Variants in ARHGEF15 observed in about 807,000 individuals in gnomAD.
ARHGEF15 encodes Rho guanine nucleotide exchange factor 15.
Under a neutral mutation model 79.7 loss-of-function variants are expected in ARHGEF15, and 58 were observed. The observed-to-expected ratio is 0.73, with a 90% CI of 0.59 to 0.91. The LOEUF (loss-of-function observed/expected upper bound fraction) is 0.91, where lower values mean the gene tolerates loss of function less well. Ranked by LOEUF, ARHGEF15 falls within the 40% of genes least tolerant of loss-of-function variation. ARHGEF15 has a pLI of 0.00. For missense variants in ARHGEF15, 1,012 were observed against 1,108.1 expected, an observed-to-expected ratio of 0.91 and a Z score of 1.23; for synonymous variants, 442 against 456.0, an observed-to-expected ratio of 0.97 and a Z score of 0.39.
Position 8,314,734 on chromosome 17 carries a change from T to C in ARHGEF15, c.990-172T>C. On this transcript the variant is annotated intron_variant, in intron 4 of 15. Transcript: ENST00000361926. ...TGGGCAACATAACGAGACCTTGCCT[T>C]TCCCCTTCAAAAAAAAAAAAAAAAA... is the stretch of plus-strand genomic sequence containing the variant. The C allele has an allele frequency of 1.1e-5, 7 of 665,502 alleles. No homozygotes were observed. In the South Asian group the frequency reaches 1.5e-4, roughly 15 times the overall value. The allele number at this position is 665,502 out of a possible 1,614,324, so 41.2% of individuals were successfully genotyped here.
At chr17:8,314,838 G>T in intron 4 of ARHGEF15, 68 bp from the exon 5 acceptor site, 2 of 1,591,940 alleles carry the variant, frequency 1.3e-6, no homozygotes, top group East Asian at 2.3e-5. Context: ...TCCAGCATGA[G>T]AACAAGCACC....
chr17:8,310,893 T>TACCCCA (rs1437005306), intron 1 of ARHGEF15: 5 of 151,718 alleles, frequency 3.3e-5, no homozygotes, highest in Non-Finnish European at 7.4e-5. Context: ...GTACCTGGGT[T>TACCCCA]CCTAAGGGTG....
Position 8,319,333 on chromosome 17 carries a change from G to A in ARHGEF15, c.2208G>A (p.Leu736=), listed in dbSNP as rs1905227200. 3 of 1,614,042 alleles carry A rather than the reference G, an allele frequency of 1.9e-6. No individual in the cohort carries two copies. The African/African-American group carries it at 4.0e-5, about 22-fold the overall frequency. ...CCAGATCAGACATGCAGCGCTGGCT[G>A]GGAGCCTTCCCAACCCCAGGCCCCC... ...ASSLSDMQRW[L]GAFPTPGPLP... Residue 736 remains leucine (L), a synonymous_variant, in exon 14 of 16, where the codon CTG becomes CTA. Transcript: ENST00000361926.
At position 8,311,322 on chromosome 17, in the gene ARHGEF15, C is replaced by A. The variant is rs1904595023; in HGVS notation, c.-49-669C>A. ...CCTCCCCAGGCCTCTTGGCAAGACC[C>A]ATGGCTGTGCTGGGCCTCTCTCTGT... On this transcript the variant is annotated intron_variant, in intron 1 of 15. Coordinates refer to ENST00000361926, the MANE Select transcript of ARHGEF15 (RefSeq NM_173728.4). 2.6e-5 allele frequency among the ~76,000 whole-genome samples: 4 copies of A among 152,270 alleles called. No homozygotes were observed. In the South Asian group the frequency reaches 8.3e-4, roughly 32 times the overall value.
Position 8,319,163 on chromosome 17 carries a change from A to G in ARHGEF15, c.2186+4A>G. The stretch of plus-strand genomic sequence containing the variant: ...GACTACTCCAAGCTTCTTCCCTGTG[A>G]GTTGTGTTTCCCTCAGAAAACAACC... On this transcript the variant is annotated splice_donor_region_variant and intron_variant, in intron 13 of 15. Coordinates refer to ENST00000361926, the MANE Select transcript of ARHGEF15 (RefSeq NM_173728.4). 1 of 1,613,200 alleles carries G rather than the reference A, an allele frequency of 6.2e-7. No individual in the cohort carries two copies. Among genetic ancestry groups the G allele is most frequent in the South Asian group, 1.1e-5 (1 of 90,968 alleles).
In ARHGEF15 at chr17:8,319,404, C is replaced by G. The variant is rs745350461; in HGVS notation, c.2269+10C>G. 1 of 1,606,882 alleles carries G rather than the reference C, an allele frequency of 6.2e-7. No homozygotes were observed. Among genetic ancestry groups the G allele is most frequent in the Non-Finnish European group, 8.5e-7 (1 of 1,177,518 alleles). ...ATCTATGAGGACTGTGGTGAGTATCCCCCTAGAGGGGATGAGGGAAGAAAA... is the reference window on the plus strand; with the variant it reads ...ATCTATGAGGACTGTGGTGAGTATCGCCCTAGAGGGGATGAGGGAAGAAAA... On this transcript the variant is annotated intron_variant, in intron 14 of 15. Coordinates refer to ENST00000361926, the MANE Select transcript of ARHGEF15 (RefSeq NM_173728.4).
At position 8,316,186 on chromosome 17, in the gene ARHGEF15, C is replaced by T. The variant is rs775528384; in HGVS notation, c.1704+38C>T. On this transcript the variant is annotated intron_variant, in intron 9 of 15. Coordinates refer to ENST00000361926, the MANE Select transcript of ARHGEF15 (RefSeq NM_173728.4). The stretch of plus-strand genomic sequence containing the variant: ...GCTGCGGCCGTTTCTGCCCCACCAA[C>T]CCCATCGGAGAACTCTCCCGAGGGC... 5 of 1,591,334 alleles carry T rather than the reference C, an allele frequency of 3.1e-6. No homozygotes were observed. In the African/African-American group the frequency reaches 4.0e-5, roughly 13 times the overall value.
chr17:8,318,751 C>T lies in ARHGEF15; in HGVS notation c.1874C>T (p.Ala625Val). The change falls in exon 12 of 16, where the codon GCC becomes GTC. Residue 625 changes from alanine to valine, a missense_variant and splice_region_variant. By Grantham distance (64) the Ala-to-Val change is moderately conservative. Around this residue, in one of 3 missense-constraint regions of ARHGEF15, gnomAD observed 818 missense variants for 882.5 expected, o/e 0.93. Transcript: ENST00000361926. The surrounding 1 kb of genome is among the most constrained non-coding windows in gnomAD (Gnocchi z 5.0). ...TQRLRFHKVK[A>V]LPLVSWSRRL... ...TCCTCTGCCTCCGCTTCCTCGCAGG[C>T]CCTGCCCCTGGTCTCCTGGTCACGG... 6.2e-7 allele frequency: 1 copy of T among 1,612,492 alleles called. No homozygotes were observed. The highest frequency in any genetic ancestry group is 8.5e-7 in the Non-Finnish European group (1 of 1,179,606).
At position 8,318,403 on chromosome 17, in the gene ARHGEF15, C is replaced by G. The variant is rs768707221; in HGVS notation, c.1721C>G (p.Thr574Arg). 9.3e-6 allele frequency: 15 copies of G among 1,613,890 alleles called. No homozygotes were observed. Among genetic ancestry groups the G allele is most frequent in the South Asian group, 3.3e-5 (3 of 91,096 alleles). Reference protein sequence around the residue: ...RMLLQNILRQTEEGSSRQENA... With the variant: ...RMLLQNILRQREEGSSRQENA... ...TGTCCCCAGAATATCCTGCGCCAGACAGAAGAGGGGTCCAGCCGTCAGGAG... is the reference window on the plus strand; with the variant it reads ...TGTCCCCAGAATATCCTGCGCCAGAGAGAAGAGGGGTCCAGCCGTCAGGAG... Residue 574 changes from threonine to arginine, a missense_variant, in exon 10 of 16, where the codon ACA becomes AGA. Physicochemically the swap from Thr to Arg is moderately conservative, Grantham distance 71. Transcript: ENST00000361926. The surrounding 1 kb of genome is among the most constrained non-coding windows in gnomAD (Gnocchi z 5.0).
At chr17:8,316,368 G>A (rs1905032183) in intron 9 of ARHGEF15, among the ~76,000 whole-genome samples, 1 of 152,244 alleles carries the variant, frequency 6.6e-6, no homozygotes, top group East Asian at 1.9e-4. Context: ...TCTAGGTCCA[G>A]GTGCAGGGAA....
intron 1 of ARHGEF15, among the ~76,000 whole-genome samples, chr17:8,311,745 G>A (rs1051447692): frequency 2.0e-5 from 3 of 150,064 alleles, no homozygotes; most frequent in Non-Finnish European, 4.4e-5. Flanking sequence ...CACAGAACTC[G>A]CACACTCACA....
At chr17:8,314,821 T>G in intron 4 of ARHGEF15, 85 bp from the exon 5 acceptor site, 1 of 1,548,128 alleles carries the variant, frequency 6.5e-7, no homozygotes, top group Non-Finnish European at 8.8e-7. Context: ...GCACATGGGT[T>G]GCCCTGTCCA....
intron 4 of ARHGEF15, chr17:8,314,183 C>T (rs1904855536): frequency 6.6e-6 from 1 of 152,300 alleles, no homozygotes; most frequent in African/African-American, 2.4e-5. Context: ...TAACTCCCTT[C>T]CCTCACCTTG....
In ARHGEF15 at chr17:8,322,317, G is replaced by C. The variant is rs1905437387; in HGVS notation, c.*1324G>C. 1 of 152,542 alleles carries C rather than the reference G, an allele frequency of 6.6e-6. No homozygotes were observed. The highest frequency in any genetic ancestry group is 6.5e-5 in the Admixed American group (1 of 15,306). 9.4% of individuals were successfully genotyped at this position (152,542 alleles called of 1,614,324 possible). A position where few individuals can be genotyped will look rare whatever the true frequency, so the allele number is the denominator to read the frequency against. On this transcript the variant is annotated 3_prime_UTR_variant, in exon 16 of 16. Coordinates refer to ENST00000361926, the MANE Select transcript of ARHGEF15 (RefSeq NM_173728.4). Reference sequence around the variant, plus strand: ...TGGCAGGGGGGCCCAGGCCCGGGACGAGGCCTCCCCTTCAGCTCAGGCACA... The same window carrying C: ...TGGCAGGGGGGCCCAGGCCCGGGACCAGGCCTCCCCTTCAGCTCAGGCACA...
rs1466412964 is a variant in ARHGEF15 at position 8,315,004 on chromosome 17, C to G, written c.1048+40C>G. 1 of 1,613,830 alleles carries G rather than the reference C, an allele frequency of 6.2e-7. No individual in the cohort carries two copies. The highest frequency in any genetic ancestry group is 2.2e-5 in the East Asian group (1 of 44,878). ...ACCTGAGGGTCCCTGCTGTGACCAT[C>G]AAGCAGTGGGGAAGGGTTTGGGAGC... On this transcript the variant is annotated intron_variant, in intron 5 of 15. Coordinates refer to ENST00000361926, the MANE Select transcript of ARHGEF15 (RefSeq NM_173728.4). This position sits in a 1 kb window ranked among gnomAD's most constrained non-coding sequence, Gnocchi z 4.3.
intron 2 of ARHGEF15, 132 bp downstream of exon 2, chr17:8,312,772 C>A (rs568352928): frequency 1.3e-6 from 2 of 1,585,590 alleles, no homozygotes; most frequent in Non-Finnish European, 1.7e-6. Flanking sequence ...TTCTGTATGT[C>A]GGGATTTGAA....
chr17:8,316,121 C>A lies in ARHGEF15; in HGVS notation c.1677C>A (p.Arg559=). 6.2e-7 allele frequency: 1 copy of A among 1,603,362 alleles called. No individual in the cohort carries two copies. Among genetic ancestry groups the A allele is most frequent in the Non-Finnish European group, 8.5e-7 (1 of 1,179,290 alleles). ...CCTTCCTGCTACTGCCCTTCCAGCG[C>A]ATCACCCGGCTGCGCATGCTGCTGC... is the stretch of plus-strand genomic sequence containing the variant. ...LPSFLLLPFQ[R]ITRLRMLLQN... Residue 559 remains arginine (R), a synonymous_variant, in exon 9 of 16, where the codon CGC becomes CGA. Transcript: ENST00000361926.
chr17:8,314,788 G>A (rs1459051395), intron 4 of ARHGEF15, 118 bp from the exon 5 acceptor site: 34 of 988,084 alleles, frequency 3.4e-5, no homozygotes, highest in Middle Eastern at 3.4e-4. Context: ...TTGGGGAGCC[G>A]TCAGGGTCCC....
At position 8,320,903 on chromosome 17, in the gene ARHGEF15, A is replaced by G. The variant is rs1308377558; in HGVS notation, c.2436A>G (p.Glu812=). ...AGCTGGTGTGTGAAGTCACAGGGGA[A>G]CACGAAAGGAGGAGGCACCTTCGCC... ...PAQLVCEVTG[E]HERRRHLRQN... is the part of the protein sequence containing the mutation. Residue 812 remains glutamate, a synonymous_variant, in exon 16 of 16, where the codon GAA becomes GAG. Coordinates refer to ENST00000361926, the MANE Select transcript of ARHGEF15 (RefSeq NM_173728.4). 6 of 1,613,856 alleles carry G rather than the reference A, an allele frequency of 3.7e-6. No homozygotes were observed. The highest frequency in any genetic ancestry group is 2.2e-5 in the East Asian group (1 of 44,890).
Sources: gnomAD v4.1 joint callset for allele counts (sites outside exome capture counted in the v4.1 genomes callset) on GRCh38, gnomAD v4.1.1 for gene constraint, gnomAD v4.1.1 regional missense constraint, Gnocchi (gnomAD v3.1) non-coding constraint, MANE v1.5 for transcripts, NCBI Gene and HGNC (gene_info 2026-07-23, HGNC 2026-07-21) for gene names.